Variants in DRC11 observed in about 807,000 individuals in gnomAD.
DRC11 encodes IQ and AAA domain-containing protein 1.
At chr2:236,408,949 C>G in the DRC11 span, 1 of 700,470 alleles carries the variant, frequency 1.4e-6, no homozygotes, top group Non-Finnish European at 2.7e-6. The surrounding 1 kb of genome is among the most constrained non-coding windows in gnomAD (Gnocchi z 5.5). Context: ...AGGAAGGCTG[C>G]GAAGTGGACC....
the DRC11 span, chr2:236,333,119 G>C: frequency 6.6e-6 from 1 of 152,236 alleles, no homozygotes; most frequent in African/African-American, 2.4e-5. The surrounding 1 kb of genome is among the most constrained non-coding windows in gnomAD (Gnocchi z 6.0). Context: ...AAAGCGCTTG[G>C]AAGTGCAGCA....
At chr2:236,331,623 G>A in the DRC11 span, 1 of 1,552,448 alleles carries the variant, frequency 6.4e-7, no homozygotes, top group Admixed American at 1.7e-5. The surrounding 1 kb of genome is among the most constrained non-coding windows in gnomAD (Gnocchi z 4.8). Context: ...AAGACACAGA[G>A]AACAAGGGTT....
chr2:236,494,309 T>C, the DRC11 span, among the ~76,000 whole-genome samples: 9 of 152,208 alleles, frequency 5.9e-5, no homozygotes, highest in Admixed American at 4.6e-4. The surrounding 1 kb of genome is among the most constrained non-coding windows in gnomAD (Gnocchi z 4.2). Context: ...TGTATGTAAA[T>C]AGTCACATTT....
chr2:236,378,168 T>C, the DRC11 span, among the ~76,000 whole-genome samples: 1 of 152,188 alleles, frequency 6.6e-6, no homozygotes, highest in Non-Finnish European at 1.5e-5. Context: ...GGAGTTGTAT[T>C]GCATCAAACA....
At chr2:236,504,209 C>G in the DRC11 span, among the ~76,000 whole-genome samples, 1 of 150,022 alleles carries the variant, frequency 6.7e-6, no homozygotes, top group African/African-American at 2.5e-5. The surrounding 1 kb of genome is among the most constrained non-coding windows in gnomAD (Gnocchi z 5.0). Flanking sequence ...TGGGGGGGGG[C>G]GTTCAGTGCT....
At chr2:236,438,764 C>G in the DRC11 span, among the ~76,000 whole-genome samples, 1 of 152,080 alleles carries the variant, frequency 6.6e-6, no homozygotes, top group Non-Finnish European at 1.5e-5. Context: ...ACAGAATATA[C>G]ATTTTTTTCA....
chr2:236,450,067 TA>T, the DRC11 span, among the ~76,000 whole-genome samples: 1 of 152,202 alleles, frequency 6.6e-6, no homozygotes, highest in African/African-American at 2.4e-5. Flanking sequence ...ATTTCAGTAT[TA>T]TTGTCCTTGC....
chr2:236,493,120 A>G, the DRC11 span, among the ~76,000 whole-genome samples: 808 of 152,350 alleles, frequency 5.3e-3, 8 homozygotes, highest in African/African-American at 0.017. Context: ...AGAAGGTGAA[A>G]GGCACATCTC....
the DRC11 span, among the ~76,000 whole-genome samples, chr2:236,404,585 C>T: frequency 6.6e-6 from 1 of 152,228 alleles, no homozygotes; most frequent in Non-Finnish European, 1.5e-5. Context: ...GAGCCACGGC[C>T]GGTAACCTCC....
the DRC11 span, among the ~76,000 whole-genome samples, chr2:236,372,691 C>T: frequency 6.6e-6 from 1 of 152,172 alleles, no homozygotes; most frequent in Non-Finnish European, 1.5e-5. This position sits in a 1 kb window ranked among gnomAD's most constrained non-coding sequence, Gnocchi z 4.5. Flanking sequence ...CTCACTGCAA[C>T]CTTGAATTCC....
chr2:236,317,935 G>C, the DRC11 span, among the ~76,000 whole-genome samples: 1 of 152,170 alleles, frequency 6.6e-6, no homozygotes, highest in Admixed American at 6.5e-5. This position sits in a 1 kb window ranked among gnomAD's most constrained non-coding sequence, Gnocchi z 5.4. Context: ...CTGGGGTCCC[G>C]TGGGAGGGTC....
chr2:236,433,725 C>T, the DRC11 span, among the ~76,000 whole-genome samples: 1 of 152,106 alleles, frequency 6.6e-6, no homozygotes, highest in African/African-American at 2.4e-5. Flanking sequence ...TCATTTGCCT[C>T]TTCTGTTCCC....
At chr2:236,413,202 C>T in the DRC11 span, among the ~76,000 whole-genome samples, 1 of 152,204 alleles carries the variant, frequency 6.6e-6, no homozygotes, top group Non-Finnish European at 1.5e-5. This position sits in a 1 kb window ranked among gnomAD's most constrained non-coding sequence, Gnocchi z 4.0. Flanking sequence ...AAAGGGACCT[C>T]TTGAAAACAT....
At chr2:236,399,606 G>C in the DRC11 span, 7 of 799,566 alleles carry the variant, frequency 8.8e-6, no homozygotes, top group Non-Finnish European at 1.5e-5. This position sits in a 1 kb window ranked among gnomAD's most constrained non-coding sequence, Gnocchi z 7.0. Flanking sequence ...GGTCCCCCTG[G>C]GCAGTGCCCC....
chr2:236,357,648 A>G, the DRC11 span, among the ~76,000 whole-genome samples: 1 of 126,630 alleles, frequency 7.9e-6, no homozygotes, highest in Admixed American at 8.4e-5. Context: ...ATGTAAATAT[A>G]TAAATTATAT....
the DRC11 span, among the ~76,000 whole-genome samples, chr2:236,444,448 A>T: frequency 2.6e-5 from 4 of 152,220 alleles, no homozygotes; most frequent in Non-Finnish European, 5.9e-5. Context: ...ATTCATTTGA[A>T]AGCAGTTTGG....
the DRC11 span, among the ~76,000 whole-genome samples, chr2:236,380,850 G>A: frequency 7.9e-5 from 12 of 152,162 alleles, no homozygotes; most frequent in African/African-American, 2.7e-4. This position sits in a 1 kb window ranked among gnomAD's most constrained non-coding sequence, Gnocchi z 4.9. Flanking sequence ...GTGGACAGAC[G>A]TGAGGTCCCC....
the DRC11 span, chr2:236,493,848 C>G: frequency 6.2e-7 from 1 of 1,606,658 alleles, no homozygotes; most frequent in Non-Finnish European, 8.5e-7. Flanking sequence ...TCCAACTTCT[C>G]CTTCAAAAAA....
At chr2:236,335,489 C>T in the DRC11 span, among the ~76,000 whole-genome samples, 1 of 152,176 alleles carries the variant, frequency 6.6e-6, no homozygotes, top group Non-Finnish European at 1.5e-5. The surrounding 1 kb of genome is among the most constrained non-coding windows in gnomAD (Gnocchi z 5.6). Flanking sequence ...TGGAGGGATG[C>T]TTTCTCTCCT....
Sources: allele counts gnomAD v4.1 joint callset (sites outside exome capture counted in the v4.1 genomes callset), GRCh38; gene constraint gnomAD v4.1.1; non-coding constraint Gnocchi (gnomAD v3.1); transcripts MANE v1.5; gene names NCBI Gene and HGNC (gene_info 2026-07-23, HGNC 2026-07-21).